Variants in TAFA1 observed in about 807,000 individuals in gnomAD.
TAFA1 encodes the protein chemokine-like protein TAFA-1.
Under a neutral mutation model 18.5 loss-of-function variants are expected in TAFA1, and 4 were observed. That is an observed-to-expected ratio of 0.22 (90% CI 0.11 to 0.49). The LOEUF (loss-of-function observed/expected upper bound fraction) is 0.49. Ranked by LOEUF, TAFA1 falls within the 20% of genes least tolerant of loss-of-function variation. TAFA1 has a pLI of 0.98. For synonymous variants in TAFA1, 56 were observed against 55.2 expected (o/e 1.01, Z -0.06); for missense variants, 147 against 169.0 (o/e 0.87, Z 0.72).
intron 2 of TAFA1, among the ~76,000 whole-genome samples, chr3:68,221,883 A>G (rs1178851991): frequency 6.6e-6 from 1 of 152,166 alleles, no homozygotes; most frequent in Non-Finnish European, 1.5e-5. Flanking sequence ...CAAAAATTGG[A>G]TACTTATTTG....
At chr3:68,468,459 CA>C (rs1397999863) in intron 3 of TAFA1, among the ~76,000 whole-genome samples, 5 of 152,248 alleles carry the variant, frequency 3.3e-5, no homozygotes, top group African/African-American at 1.2e-4. Context: ...AGACGTGAAC[CA>C]AATTACTCTC....
chr3:68,408,655 G>A (rs2070656773), intron 2 of TAFA1, among the ~76,000 whole-genome samples: 1 of 147,312 alleles, frequency 6.8e-6, no homozygotes, highest in African/African-American at 2.5e-5. Flanking sequence ...TCATTATTCA[G>A]TCATTTAATC....
intron 2 of TAFA1, among the ~76,000 whole-genome samples, chr3:68,103,227 C>T (rs568821380): frequency 6.6e-6 from 1 of 152,172 alleles, no homozygotes; most frequent in Non-Finnish European, 1.5e-5. Context: ...AGTGTTGAGG[C>T]AGATTTGGTT....
chr3:68,291,642 A>T (rs536939988), intron 2 of TAFA1, among the ~76,000 whole-genome samples: 1 of 152,278 alleles, frequency 6.6e-6, no homozygotes, highest in Admixed American at 6.5e-5. Context: ...AAAACGATCC[A>T]CACGTTAAGG....
chr3:68,248,613 C>A (rs2067130178), intron 2 of TAFA1, among the ~76,000 whole-genome samples: 2 of 151,590 alleles, frequency 1.3e-5, no homozygotes, highest in African/African-American at 4.9e-5. Context: ...CTCTGTATGG[C>A]AGATGCACCT....
chr3:68,130,937 G>T (rs2065528667), intron 2 of TAFA1, among the ~76,000 whole-genome samples: 1 of 151,958 alleles, frequency 6.6e-6, no homozygotes, highest in African/African-American at 2.4e-5. Flanking sequence ...TTATTTTCTT[G>T]TTCATTCATT....
intron 3 of TAFA1, among the ~76,000 whole-genome samples, chr3:68,537,000 G>C (rs2073287733): frequency 6.6e-6 from 1 of 151,738 alleles, no homozygotes; most frequent in Non-Finnish European, 1.5e-5. Flanking sequence ...TCTATGCCAG[G>C]CCTTTGAAAT....
At chr3:68,123,309 C>T (rs1230012461) in intron 2 of TAFA1, among the ~76,000 whole-genome samples, 1 of 152,098 alleles carries the variant, frequency 6.6e-6, no homozygotes, top group Admixed American at 6.5e-5. Context: ...GCAAAGGGTC[C>T]ACTTGGTTTA....
chr3:68,491,044 G>T (rs2072442774), intron 3 of TAFA1, among the ~76,000 whole-genome samples: 1 of 151,756 alleles, frequency 6.6e-6, no homozygotes, highest in African/African-American at 2.4e-5. Flanking sequence ...TTATCCTCTT[G>T]CCCAGGCTGG....
chr3:68,366,103 AAG>A (rs1553682038), intron 2 of TAFA1, among the ~76,000 whole-genome samples: 8 of 151,486 alleles, frequency 5.3e-5, no homozygotes, highest in Middle Eastern at 3.4e-3. Flanking sequence ...AAAAAAAAAA[AAG>A]AAACCATCAG....
intron 2 of TAFA1, among the ~76,000 whole-genome samples, chr3:68,261,442 G>A (rs1292633067): frequency 1.3e-5 from 2 of 152,124 alleles, no homozygotes; most frequent in Non-Finnish European, 2.9e-5. Flanking sequence ...TATAAATCAT[G>A]CTGCTATAAA....
At chr3:68,538,059 C>T (rs1310265359) in intron 3 of TAFA1, among the ~76,000 whole-genome samples, 1 of 151,994 alleles carries the variant, frequency 6.6e-6, no homozygotes, top group Non-Finnish European at 1.5e-5. Context: ...GTGTGGCAAA[C>T]AGTTCTCATG....
At chr3:68,147,019 A>ATGTGTGTG (rs35048809) in intron 2 of TAFA1, among the ~76,000 whole-genome samples, 1 of 147,648 alleles carries the variant, frequency 6.8e-6, no homozygotes, top group East Asian at 2.0e-4. Flanking sequence ...GTATATATAT[A>ATGTGTGTG]TGTGTGTGTG....
intron 2 of TAFA1, among the ~76,000 whole-genome samples, chr3:68,245,053 GGACCGAT>G (rs2067050049): frequency 6.6e-6 from 1 of 152,142 alleles, no homozygotes; most frequent in Non-Finnish European, 1.5e-5. Context: ...TGTATAGTCA[GGACCGAT>G]GACCTCTTTA....
At chr3:68,219,742 G>T (rs2066706925) in intron 2 of TAFA1, among the ~76,000 whole-genome samples, 1 of 152,122 alleles carries the variant, frequency 6.6e-6, no homozygotes. Flanking sequence ...ACCTAATCAA[G>T]GGAATGATAT....
chr3:68,383,548 G>A (rs893182050), intron 2 of TAFA1, among the ~76,000 whole-genome samples: 1 of 152,040 alleles, frequency 6.6e-6, no homozygotes, highest in Non-Finnish European at 1.5e-5. Context: ...ATCGGGTGGA[G>A]AAGCTCTTAC....
At chr3:68,401,575 T>C (rs2070492425) in intron 2 of TAFA1, among the ~76,000 whole-genome samples, 2 of 152,330 alleles carry the variant, frequency 1.3e-5, no homozygotes, top group South Asian at 4.1e-4. Context: ...CATCATGGTG[T>C]TTAGATAGTG....
intron 2 of TAFA1, among the ~76,000 whole-genome samples, chr3:68,394,679 A>T (rs542029351): frequency 6.6e-6 from 1 of 152,266 alleles, no homozygotes; most frequent in South Asian, 2.1e-4. Flanking sequence ...TCTTCCACAA[A>T]CAAAAACAAG....
At chr3:68,473,676 A>G (rs920576164) in intron 3 of TAFA1, among the ~76,000 whole-genome samples, 60 of 152,304 alleles carry the variant, frequency 3.9e-4, no homozygotes, top group African/African-American at 1.4e-3. Context: ...CTGCCCTCAT[A>G]GGCCCAGTGC....
Sources: gnomAD v4.1 joint callset for allele counts (sites outside exome capture counted in the v4.1 genomes callset) on GRCh38, gnomAD v4.1.1 for gene constraint, MANE v1.5 for transcripts, NCBI Gene and HGNC (gene_info 2026-07-23, HGNC 2026-07-21) for gene names.